Variants in CFAP70 observed in about 807,000 individuals in gnomAD.
CFAP70 encodes cilia and flagella associated protein 70.
In CFAP70, 81 loss-of-function variants were observed where a neutral mutation model predicts 137.6. The observed-to-expected ratio is 0.59, with a 90% CI of 0.49 to 0.71. The LOEUF is 0.71. CFAP70 is among the 30% of genes least tolerant of loss of function. The pLI, the probability that CFAP70 is intolerant of heterozygous loss-of-function variation, is 0.00. For synonymous variants in CFAP70, 382 were observed against 423.6 expected (o/e 0.90, Z 1.20); for missense variants, 976 against 1,226.7 (o/e 0.80, Z 3.05).
At chr10:73,297,229 C>T in intron 14 of CFAP70, 56 bp from the exon 16 acceptor site, 1 of 1,561,264 alleles carries the variant, frequency 6.4e-7, no homozygotes, top group South Asian at 1.2e-5. Context: ...ATGCTGAGAG[C>T]ACGGGTCTCT....
chr10:73,353,123 T>C (rs2054407414), intron 3 of CFAP70, among the ~76,000 whole-genome samples: 1 of 152,228 alleles, frequency 6.6e-6, no homozygotes, highest in Non-Finnish European at 1.5e-5. Flanking sequence ...TACAAGCCTA[T>C]GATTATTCCT....
intron 26 of CFAP70, 49 bp from the exon 28 acceptor site, chr10:73,254,104 CT>C: frequency 2.1e-6 from 3 of 1,458,840 alleles, no homozygotes; most frequent in African/African-American, 1.4e-5. Flanking sequence ...ACGTGATATA[CT>C]TTATGTGGCT....
chr10:73,279,651 G>A (rs116946896), intron 19 of CFAP70, among the ~76,000 whole-genome samples: 2,454 of 152,190 alleles, frequency 0.016, 29 homozygotes, highest in Middle Eastern at 0.054. Flanking sequence ...TTAAGCTCAG[G>A]AGTTCAAGAC....
Position 73,312,648 on chromosome 10 carries a change from AAAACAAAAAAAC to A in CFAP70, c.913-17_913-6del, listed in dbSNP as rs1564825395. The A allele has an allele frequency of 6.5e-7, 1 of 1,534,390 alleles. No homozygotes were observed. The highest frequency in any genetic ancestry group is 2.4e-5 in the East Asian group (1 of 42,534). On this transcript the variant is annotated splice_polypyrimidine_tract_variant and splice_region_variant and intron_variant, in intron 9 of 26. Transcript: ENST00000310715. ...CAAGCTCAATAAACATTTGGTCTGA[AAAACAAAAAAAC>A]AAACAAAAAAAAGCAATACATGAGA...
intron 8 of CFAP70, among the ~76,000 whole-genome samples, chr10:73,325,996 A>C (rs2051381555): frequency 6.6e-6 from 1 of 152,162 alleles, no homozygotes; most frequent in South Asian, 2.1e-4. Context: ...CCTAATAGAC[A>C]TCTACAGAAC....
chr10:73,304,351 G>A (rs1040491600), intron 12 of CFAP70, among the ~76,000 whole-genome samples: 1 of 152,160 alleles, frequency 6.6e-6, no homozygotes, highest in Admixed American at 6.5e-5. Flanking sequence ...ACTGCACCCG[G>A]CCCATTTATG....
intron 12 of CFAP70, among the ~76,000 whole-genome samples, chr10:73,302,249 G>A (rs2049005704): frequency 6.6e-6 from 1 of 152,148 alleles, no homozygotes; most frequent in Admixed American, 6.5e-5. Flanking sequence ...TGAGCTCTGG[G>A]GGACTCCAAC....
exon 3 of CFAP70, chr10:73,353,688 C>G: frequency 6.2e-7 from 1 of 1,614,196 alleles, no homozygotes; most frequent in South Asian, 1.1e-5. Context: ...CCCAGAACCA[C>G]TTGATTGAAT....
In CFAP70 at chr10:73,319,435, T is replaced by C. The variant is rs564091553; in HGVS notation, c.912+3528A>G. On this transcript the variant is annotated intron_variant, in intron 9 of 26. Coordinates refer to ENST00000310715, the Ensembl canonical transcript of CFAP70. Reference sequence around the variant, plus strand: ...TCCTTAACAATTGCAAATCAGAAAATCTTTGAATCTACCTACCACTTGCAA... The same window carrying C: ...TCCTTAACAATTGCAAATCAGAAAACCTTTGAATCTACCTACCACTTGCAA... 5.9e-5 allele frequency among the ~76,000 whole-genome samples: 9 copies of C among 152,256 alleles called. No individual in the cohort carries two copies. In the East Asian group the frequency reaches 1.7e-3, roughly 29 times the overall value.
At position 73,312,475 on chromosome 10, in the gene CFAP70, C is replaced by T. The variant is rs147595147; in HGVS notation, c.1081G>A (p.Val361Met). 8.4e-5 allele frequency: 134 copies of T among 1,586,614 alleles called. 2 individuals are homozygous for T. In the African/African-American group the frequency reaches 8.7e-4, roughly 10 times the overall value. The change falls in exon 10 of 27, where the codon GTG becomes ATG. Residue 361 changes from valine to methionine, a missense_variant and splice_region_variant. By Grantham distance (21) the Val-to-Met change is conservative (BLOSUM62 1). Transcript: ENST00000310715. ...TCATCACCTTCTCAACAACCTACCA[C>T]ATCCCCAGGCCTAGGCCTTCCATCT...
intron 12 of CFAP70, 148 bp from the exon 14 acceptor site, chr10:73,299,813 T>C (rs888256867): frequency 5.3e-6 from 3 of 562,410 alleles, no homozygotes; most frequent in Admixed American, 6.1e-5. Flanking sequence ...TGCTGTTCTC[T>C]CATGTAAAAC....
Position 73,322,951 on chromosome 10 carries a change from A to G in CFAP70, c.912+12T>C, listed in dbSNP as rs796412207. The G allele has an allele frequency of 2.3e-5, 37 of 1,575,330 alleles. No individual in the cohort carries two copies. The African/African-American group carries it at 4.5e-4, about 19-fold the overall frequency. On this transcript the variant is annotated intron_variant, in intron 9 of 26. Transcript: ENST00000310715. ...AAATTACCATGATGATTTTTATGCA[A>G]TTTTTTCTTACCTTTTCATGGACTA...
intron 6 of CFAP70, among the ~76,000 whole-genome samples, chr10:73,340,244 C>T (rs1478450878): frequency 2.0e-5 from 3 of 152,194 alleles, no homozygotes; most frequent in Admixed American, 1.3e-4. Flanking sequence ...GGTAGCTCCT[C>T]TCTACAGGCA....
intron 6 of CFAP70, among the ~76,000 whole-genome samples, chr10:73,336,536 T>G (rs915188719): frequency 6.6e-6 from 1 of 151,854 alleles, no homozygotes; most frequent in African/African-American, 2.4e-5. Context: ...CAGTGGATTA[T>G]CAGCTCATTC....
chr10:73,313,175 A>G (rs1183862070), intron 9 of CFAP70, among the ~76,000 whole-genome samples: 2 of 151,646 alleles, frequency 1.3e-5, no homozygotes, highest in African/African-American at 4.8e-5. Context: ...GATTGAGATT[A>G]TCCTGGCTAA....
chr10:73,283,006 T>A (rs2131829390), intron 19 of CFAP70, among the ~76,000 whole-genome samples: 1 of 151,926 alleles, frequency 6.6e-6, no homozygotes, highest in South Asian at 2.1e-4. Flanking sequence ...CTAATTTTTG[T>A]ATTTTTAGTA....
At chr10:73,284,783 T>C (rs1226785529) in intron 19 of CFAP70, among the ~76,000 whole-genome samples, 1 of 57,088 alleles carries the variant, frequency 1.8e-5, no homozygotes, top group East Asian at 1.0e-3. Context: ...TATATATATA[T>C]ATATATATAT....
intron 25 of CFAP70, among the ~76,000 whole-genome samples, chr10:73,257,217 A>G (rs1449152483): frequency 6.6e-6 from 1 of 152,170 alleles, no homozygotes; most frequent in Non-Finnish European, 1.5e-5. Flanking sequence ...TGAAGCTAGT[A>G]AGTAGAGGAG....
chr10:73,268,603 T>A (rs1318508245), intron 25 of CFAP70, among the ~76,000 whole-genome samples: 3 of 152,206 alleles, frequency 2.0e-5, no homozygotes, highest in Admixed American at 2.0e-4. Context: ...ATGAGGAAAT[T>A]GAGGCCCAAT....
Sources: allele counts gnomAD v4.1 joint callset (sites outside exome capture counted in the v4.1 genomes callset), GRCh38; gene constraint gnomAD v4.1.1; transcripts MANE v1.5; gene names NCBI Gene and HGNC (gene_info 2026-07-23, HGNC 2026-07-21).